Variants in HS3ST4 observed in about 807,000 individuals in gnomAD.
HS3ST4 encodes the protein heparan sulfate glucosamine 3-O-sulfotransferase 4.
A neutral mutation model predicts 29.2 loss-of-function variants in HS3ST4; 17 were observed. The ratio of observed to expected loss-of-function variants is 0.58; its 90% CI spans 0.40 to 0.87. The LOEUF is 0.87. HS3ST4 is among the 40% of genes least tolerant of loss of function. HS3ST4 has a pLI of 0.00. For synonymous variants in HS3ST4, 314 were observed against 285.7 expected (o/e 1.10, Z -1.00); for missense variants, 627 against 634.5 (o/e 0.99, Z 0.13).
In HS3ST4 at chr16:26,124,766, T is replaced by C. The variant is rs576155026; in HGVS notation, c.735-10846T>C. ...ATGTGTGAACAGCTCTTGACTATTA[T>C]TGAGGGAGTGAAAACACCATTAGAG... On this transcript the variant is annotated intron_variant, in intron 1 of 1. Coordinates refer to ENST00000331351, the MANE Select transcript of HS3ST4 (RefSeq NM_006040.3). Among the ~76,000 whole-genome samples, 6 of 152,352 alleles carry C rather than the reference T, an allele frequency of 3.9e-5. No individual in the cohort carries two copies. In the South Asian group the frequency reaches 1.2e-3, roughly 32 times the overall value.
chr16:25,818,227 T>TG (rs1162314894), intron 1 of HS3ST4, among the ~76,000 whole-genome samples: 1 of 151,976 alleles, frequency 6.6e-6, no homozygotes, highest in Non-Finnish European at 1.5e-5. Flanking sequence ...TATTAGGAGG[T>TG]GGGGCCCTTG....
chr16:26,088,437 G>A (rs1468668879), intron 1 of HS3ST4, among the ~76,000 whole-genome samples: 1 of 152,158 alleles, frequency 6.6e-6, no homozygotes, highest in African/African-American at 2.4e-5. Context: ...GTGTTTGGTT[G>A]GTTGTAACAG....
intron 1 of HS3ST4, among the ~76,000 whole-genome samples, chr16:25,991,499 G>A (rs548342447): frequency 5.9e-5 from 9 of 152,324 alleles, no homozygotes; most frequent in Admixed American, 5.9e-4. Flanking sequence ...AGGAAATAGT[G>A]AGGATTTTAT....
intron 1 of HS3ST4, among the ~76,000 whole-genome samples, chr16:25,845,125 T>C (rs1967451774): frequency 6.6e-6 from 1 of 152,124 alleles, no homozygotes; most frequent in African/African-American, 2.4e-5. Flanking sequence ...GATGGGTTGA[T>C]AGGTGCAGCA....
intron 1 of HS3ST4, among the ~76,000 whole-genome samples, chr16:26,010,662 T>C (rs944875974): frequency 2.6e-5 from 4 of 152,004 alleles, no homozygotes; most frequent in Admixed American, 2.0e-4. Context: ...AGTTATCAAA[T>C]TGATAACTTT....
intron 1 of HS3ST4, among the ~76,000 whole-genome samples, chr16:25,710,808 C>CTTTTTTTT (rs34759495): frequency 8.2e-5 from 4 of 48,520 alleles, no homozygotes; most frequent in Non-Finnish European, 1.4e-4. Flanking sequence ...GCATATTATC[C>CTTTTTTTT]TTTTTTTTTT....
intron 1 of HS3ST4, among the ~76,000 whole-genome samples, chr16:26,012,888 G>A (rs1211654014): frequency 1.3e-5 from 2 of 152,336 alleles, no homozygotes; most frequent in Middle Eastern, 3.4e-3. Context: ...CATGAGGCCA[G>A]GCGCAGTGGC....
intron 1 of HS3ST4, among the ~76,000 whole-genome samples, chr16:25,848,359 C>G (rs7201509): frequency 0.33 from 49,533 of 151,934 alleles, 8,138 homozygotes; most frequent in Middle Eastern, 0.44. Context: ...AGGCTGGTCT[C>G]AAACTCCTGA....
chr16:25,912,770 A>T (rs72780801), intron 1 of HS3ST4, among the ~76,000 whole-genome samples: 13,086 of 152,252 alleles, frequency 0.086, 692 homozygotes, highest in East Asian at 0.25. Flanking sequence ...ACCAACGCTG[A>T]CCTTAACTGT....
intron 1 of HS3ST4, among the ~76,000 whole-genome samples, chr16:25,957,331 C>T (rs897756557): frequency 2.2e-4 from 34 of 152,226 alleles, no homozygotes; most frequent in South Asian, 2.1e-4. Context: ...TGATTCAGAG[C>T]GGTGAGCACA....
At chr16:25,837,473 G>A (rs1256790822) in intron 1 of HS3ST4, among the ~76,000 whole-genome samples, 1 of 152,208 alleles carries the variant, frequency 6.6e-6, no homozygotes. Context: ...AGGGCATGGG[G>A]AGAGAGCAGA....
chr16:26,075,839 T>A (rs1431516052), intron 1 of HS3ST4, among the ~76,000 whole-genome samples: 1 of 152,214 alleles, frequency 6.6e-6, no homozygotes. Context: ...ATATTGGACA[T>A]CCCCTTTTTT....
intron 1 of HS3ST4, among the ~76,000 whole-genome samples, chr16:25,859,965 A>G (rs1401212301): frequency 6.6e-6 from 1 of 152,220 alleles, no homozygotes; most frequent in Non-Finnish European, 1.5e-5. Context: ...CTGTCAGATC[A>G]GCAGCGACAT....
chr16:26,066,491 A>C (rs1473911956), intron 1 of HS3ST4, among the ~76,000 whole-genome samples: 1 of 152,162 alleles, frequency 6.6e-6, no homozygotes, highest in Non-Finnish European at 1.5e-5. Context: ...GAAAAGTTTT[A>C]ATCTGTTCCC....
chr16:26,065,915 T>C lies in HS3ST4; in HGVS notation c.735-69697T>C, dbSNP rs372611369. Among the ~76,000 whole-genome samples, 58 of 152,336 alleles carry C rather than the reference T, an allele frequency of 3.8e-4. No homozygotes were observed. In the South Asian group the frequency reaches 0.012, roughly 30 times the overall value. On this transcript the variant is annotated intron_variant, in intron 1 of 1. Transcript: ENST00000331351. ...GTTCCAAAACCTTGCACTGGCTTCTTAGTTGTGATAGAAAAGAGCAAAACA... is the reference window on the plus strand; with the variant it reads ...GTTCCAAAACCTTGCACTGGCTTCTCAGTTGTGATAGAAAAGAGCAAAACA...
chr16:26,051,000 C>T (rs1027927904), intron 1 of HS3ST4, among the ~76,000 whole-genome samples: 1 of 152,020 alleles, frequency 6.6e-6, no homozygotes, highest in Non-Finnish European at 1.5e-5. Context: ...GATAGGAGGT[C>T]GGGGATCTCC....
At chr16:26,109,945 C>T (rs947403979) in intron 1 of HS3ST4, among the ~76,000 whole-genome samples, 3 of 152,038 alleles carry the variant, frequency 2.0e-5, no homozygotes, top group African/African-American at 7.2e-5. Context: ...TTCAAGCATA[C>T]AATATATTAA....
chr16:26,007,272 C>A (rs1217794808), intron 1 of HS3ST4, among the ~76,000 whole-genome samples: 4 of 152,306 alleles, frequency 2.6e-5, no homozygotes, highest in Non-Finnish European at 5.9e-5. Flanking sequence ...TGGCTTTCTC[C>A]ATCTACCCTG....
intron 1 of HS3ST4, among the ~76,000 whole-genome samples, chr16:25,868,910 G>T (rs1044632013): frequency 2.0e-5 from 3 of 151,996 alleles, no homozygotes; most frequent in Admixed American, 2.0e-4. Flanking sequence ...GGGTTTCTTT[G>T]TCTGTGTCAC....
Sources: allele counts gnomAD v4.1 joint callset (sites outside exome capture counted in the v4.1 genomes callset), GRCh38; gene constraint gnomAD v4.1.1; transcripts MANE v1.5; gene names NCBI Gene and HGNC (gene_info 2026-07-23, HGNC 2026-07-21).